Variants in WWOX observed in about 807,000 individuals in gnomAD.
The protein encoded by WWOX is WW domain-containing oxidoreductase.
Under a neutral mutation model 46.2 loss-of-function variants are expected in WWOX, and 69 were observed. The observed-to-expected ratio is 1.49, with a 90% CI of 1.23 to 1.82. The LOEUF (loss-of-function observed/expected upper bound fraction) is 1.82. WWOX is among the 40% of genes most tolerant of loss of function. The pLI is 0.00. For synonymous variants in WWOX, 359 were observed against 202.6 expected, an observed-to-expected ratio of 1.77 and a Z score of -6.56; for missense variants, 919 against 542.6, an observed-to-expected ratio of 1.69 and a Z score of -6.89.
chr16:79,179,713 C>T (rs1689322933), intron 8 of WWOX, among the ~76,000 whole-genome samples: 2 of 152,158 alleles, frequency 1.3e-5, no homozygotes, highest in African/African-American at 4.8e-5. Flanking sequence ...TTGGGTATGG[C>T]CAGGCTCAGT....
At chr16:78,720,735 T>A (rs1453623475) in intron 8 of WWOX, among the ~76,000 whole-genome samples, 2 of 152,174 alleles carry the variant, frequency 1.3e-5, no homozygotes, top group Non-Finnish European at 1.5e-5. Context: ...TCCACCGGTC[T>A]CTGCTTGTCT....
At chr16:78,320,089 C>T (rs1010652046) in intron 5 of WWOX, among the ~76,000 whole-genome samples, 3 of 152,144 alleles carry the variant, frequency 2.0e-5, no homozygotes, top group African/African-American at 7.2e-5. Flanking sequence ...CCTAAGTAGG[C>T]TGGAAACTGC....
intron 8 of WWOX, among the ~76,000 whole-genome samples, chr16:78,737,882 T>C (rs542297719): frequency 1.3e-5 from 2 of 152,230 alleles, no homozygotes; most frequent in Admixed American, 1.3e-4. Flanking sequence ...ACCGATCCCT[T>C]CCAAAGGCCA....
intron 8 of WWOX, among the ~76,000 whole-genome samples, chr16:78,545,380 T>A (rs1021815794): frequency 3.3e-4 from 50 of 151,152 alleles, no homozygotes; most frequent in African/African-American, 8.7e-4. Context: ...CCATTTCTTT[T>A]AAAAAAAAAA....
At chr16:79,015,056 C>T (rs563585254) in intron 8 of WWOX, among the ~76,000 whole-genome samples, 3 of 152,188 alleles carry the variant, frequency 2.0e-5, no homozygotes, top group Admixed American at 2.0e-4. Flanking sequence ...CTTTCTCCTG[C>T]TGTCATCCTG....
intron 8 of WWOX, among the ~76,000 whole-genome samples, chr16:78,607,529 G>C (rs1402400951): frequency 2.0e-5 from 3 of 152,142 alleles, no homozygotes; most frequent in Non-Finnish European, 4.4e-5. Context: ...TCTTACACCT[G>C]AAACCAACCA....
intron 8 of WWOX, among the ~76,000 whole-genome samples, chr16:79,069,879 G>T (rs1025974592): frequency 6.6e-6 from 1 of 152,106 alleles, no homozygotes. Context: ...TTGACTCATT[G>T]AAAAACACCT....
intron 8 of WWOX, among the ~76,000 whole-genome samples, chr16:79,103,876 G>C (rs1188024121): frequency 6.6e-6 from 1 of 152,064 alleles, no homozygotes; most frequent in African/African-American, 2.4e-5. Context: ...ACACTCTGTA[G>C]GACAAACCAG....
At chr16:78,986,994 C>T (rs144174325) in intron 8 of WWOX, among the ~76,000 whole-genome samples, 101 of 152,086 alleles carry the variant, frequency 6.6e-4, no homozygotes, top group Non-Finnish European at 1.1e-3. Flanking sequence ...CTTACCCACA[C>T]GGAGCAGAGA....
At chr16:78,650,413 C>T (rs2046940787) in intron 8 of WWOX, among the ~76,000 whole-genome samples, 1 of 152,114 alleles carries the variant, frequency 6.6e-6, no homozygotes, top group Non-Finnish European at 1.5e-5. Context: ...ATTTTGTCAC[C>T]TGTGTGAAAT....
chr16:79,016,942 C>G (rs1042777645), intron 8 of WWOX: 47 of 152,276 alleles, frequency 3.1e-4, no homozygotes, highest in African/African-American at 1.1e-3. Context: ...TCAGGTGATC[C>G]GACCACCTCG....
At chr16:78,114,436 A>G (rs1199557872) in intron 3 of WWOX, among the ~76,000 whole-genome samples, 1 of 152,174 alleles carries the variant, frequency 6.6e-6, no homozygotes, top group Admixed American at 6.5e-5. Flanking sequence ...CAAGATTTAG[A>G]TCAATTCCAA....
chr16:78,986,882 C>T (rs147650750), intron 8 of WWOX, among the ~76,000 whole-genome samples: 35 of 152,106 alleles, frequency 2.3e-4, no homozygotes, highest in Non-Finnish European at 4.4e-4. Context: ...TTTCAGGATG[C>T]GCAAGAGACT....
chr16:78,601,166 C>A (rs145349829), intron 8 of WWOX, among the ~76,000 whole-genome samples: 121 of 152,320 alleles, frequency 7.9e-4, no homozygotes, highest in African/African-American at 2.8e-3. Context: ...GTTGGCCTCT[C>A]TGCCACTCAT....
intron 5 of WWOX, among the ~76,000 whole-genome samples, chr16:78,305,635 A>T (rs908777017): frequency 7.8e-5 from 11 of 141,208 alleles, no homozygotes; most frequent in East Asian, 4.0e-4. Flanking sequence ...GGAGCACTTT[A>T]AAAAAAAAAA....
intron 8 of WWOX, among the ~76,000 whole-genome samples, chr16:78,939,841 C>G (rs997667504): frequency 6.6e-6 from 1 of 152,188 alleles, no homozygotes; most frequent in African/African-American, 2.4e-5. Context: ...TGACATAGGT[C>G]TGGCGATCTT....
At chr16:79,006,829 A>T (rs371028214) in intron 8 of WWOX, among the ~76,000 whole-genome samples, 21 of 152,202 alleles carry the variant, frequency 1.4e-4, no homozygotes, top group African/African-American at 4.8e-4. Context: ...AGTCTTTCTC[A>T]TGCTGGCATC....
At chr16:78,917,371 C>G (rs1349277200) in intron 8 of WWOX, among the ~76,000 whole-genome samples, 1 of 152,158 alleles carries the variant, frequency 6.6e-6, no homozygotes, top group East Asian at 1.9e-4. Context: ...CCTCTAGATG[C>G]TTATAATTCC....
chr16:78,783,106 G>C (rs192613868), intron 8 of WWOX, among the ~76,000 whole-genome samples: 1 of 152,180 alleles, frequency 6.6e-6, no homozygotes, highest in Non-Finnish European at 1.5e-5. Flanking sequence ...GAGCAGCTAT[G>C]ATCAAGTTAT....
Sources: gnomAD v4.1 joint callset for allele counts (sites outside exome capture counted in the v4.1 genomes callset) on GRCh38, gnomAD v4.1.1 for gene constraint, MANE v1.5 for transcripts, NCBI Gene and HGNC (gene_info 2026-07-23, HGNC 2026-07-21) for gene names.